POLG: variants seen among roughly 807,000 people sequenced by gnomAD.
POLG encodes DNA polymerase subunit gamma-1.
POLG carries 110 observed loss-of-function variants against 155.4 expected under a neutral mutation model. The ratio of observed to expected loss-of-function variants is 0.71; its 90% CI spans 0.61 to 0.83. POLG has a LOEUF of 0.83. Ranked by LOEUF, POLG falls within the 40% of genes least tolerant of loss-of-function variation. The pLI, the probability that POLG is intolerant of heterozygous loss-of-function variation, is 0.00. For missense variants in POLG, 1,685 were observed against 1,627.5 expected, an observed-to-expected ratio of 1.04 and a Z score of -0.61; for synonymous variants, 701 against 631.5, an observed-to-expected ratio of 1.11 and a Z score of -1.65.
chr15:89,321,898 T>G (rs774496711), intron 15 of POLG, 45 bp from the exon 16 acceptor site: 1 of 1,605,898 alleles, frequency 6.2e-7, no homozygotes, highest in South Asian at 1.1e-5. Flanking sequence ...CAGGGTGCTT[T>G]GGCCTTAGGA....
At chr15:89,330,511 G>T (rs1192138125) in intron 2 of POLG, among the ~76,000 whole-genome samples, 1 of 152,154 alleles carries the variant, frequency 6.6e-6, no homozygotes, top group Non-Finnish European at 1.5e-5. Context: ...CATAAAAATG[G>T]AACTACTGGG....
chr15:89,325,741 G>T, intron 9 of POLG, 55 bp from the exon 10 acceptor site: 4 of 1,352,562 alleles, frequency 3.0e-6, no homozygotes, highest in African/African-American at 2.8e-5. Flanking sequence ...GTTGTTGGGG[G>T]GAAGGTTCTC....
intron 18 of POLG, among the ~76,000 whole-genome samples, chr15:89,319,848 C>T (rs1258922271): frequency 6.6e-6 from 1 of 152,176 alleles, no homozygotes; most frequent in Admixed American, 6.5e-5. Flanking sequence ...CTAGACAACT[C>T]CCAGCTTCCA....
In POLG at chr15:89,327,067, C is replaced by T. The variant is rs1262443010; in HGVS notation, c.1434-4G>A. On this transcript the variant is annotated splice_region_variant and splice_polypyrimidine_tract_variant and intron_variant, in intron 7 of 22. Coordinates refer to ENST00000268124, the MANE Select transcript of POLG (RefSeq NM_002693.3). ...GAGCCAGGGGTCTTCTTTGTACCTA[C>T]AGAGCCAGTCCACTAGGGCAGGGCT... 2.5e-6 allele frequency: 4 copies of T among 1,614,130 alleles called. No individual in the cohort carries two copies. Among genetic ancestry groups the T allele is most frequent in the Non-Finnish European group, 3.4e-6 (4 of 1,180,048 alleles).
chr15:89,333,536 T>C lies in POLG; in HGVS notation c.219A>G (p.Pro73=). Residue 73 remains proline, a synonymous_variant, in exon 2 of 23, where the codon CCA becomes CCG. Coordinates refer to ENST00000268124, the MANE Select transcript of POLG (RefSeq NM_002693.3). ...CTCTCGAGAGCATCTGGATGTCCAATGGGTTGTGCCGCAGCTGCCCGCCCT... is the reference window on the plus strand; with the variant it reads ...CTCTCGAGAGCATCTGGATGTCCAACGGGTTGTGCCGCAGCTGCCCGCCCT... ...SSEGGQLRHN[P]LDIQMLSRGL... is the part of the protein sequence containing the mutation. 1.2e-6 allele frequency: 2 copies of C among 1,612,788 alleles called. No individual in the cohort carries two copies. Among genetic ancestry groups the C allele is most frequent in the Non-Finnish European group, 1.7e-6 (2 of 1,179,684 alleles).
chr15:89,328,657 G>A (rs1247501626), intron 5 of POLG, 28 bp downstream of exon 5: 4 of 1,613,598 alleles, frequency 2.5e-6, no homozygotes, highest in Non-Finnish European at 3.4e-6. Flanking sequence ...CACAGCCCAT[G>A]TCCCCAGAGC....
chr15:89,329,301 G>A (rs748788083), intron 3 of POLG, among the ~76,000 whole-genome samples, 191 bp from the exon 4 acceptor site: 2 of 152,196 alleles, frequency 1.3e-5, no homozygotes, highest in Non-Finnish European at 2.9e-5. Context: ...TCACCTGTAA[G>A]GGGCCTGCCT....
Position 89,319,048 on chromosome 15 carries a change from G to GCCC in POLG, c.3153_3155dup (p.Gly1052dup), listed in dbSNP as rs1447799185. The GCCC allele has an allele frequency of 1.2e-6, 2 of 1,614,030 alleles. No homozygotes were observed. Among genetic ancestry groups the GCCC allele is most frequent in the South Asian group, 1.1e-5 (1 of 91,068 alleles). Reference sequence around the variant, plus strand: ...GCTTATTGAACATTTCTGACTCTGTGCCCCCCTTCCATGCCCGTTCAGCAA... The same window carrying GCCC: ...GCTTATTGAACATTTCTGACTCTGTGCCCCCCCCCTTCCATGCCCGTTCAGCAA... On this transcript the variant is annotated inframe_insertion, in exon 20 of 23. Transcript: ENST00000268124.
rs772333285 is a variant in POLG, at chr15:89,318,651, G to T, written c.3372C>A (p.Ala1124=). Residue 1124 remains alanine (A), a synonymous_variant, in exon 21 of 23, where the codon GCC becomes GCA. Coordinates refer to ENST00000268124, the MANE Select transcript of POLG (RefSeq NM_002693.3). ...VAMKWLFEEF[A]IDGRFCISIH... is the part of the protein sequence containing the mutation. ...TGCTGATGCAGAAGCGCCCATCTAT[G>T]GCAAACTCTTCAAACAGCCACTTCA... 2 of 1,614,198 alleles carry T rather than the reference G, an allele frequency of 1.2e-6. No individual in the cohort carries two copies. Among genetic ancestry groups the T allele is most frequent in the South Asian group, 2.2e-5 (2 of 91,088 alleles).
At chr15:89,327,092 TAAGG>T in intron 7 of POLG, 29 bp from the exon 8 acceptor site, 1 of 1,614,242 alleles carries the variant, frequency 6.2e-7, no homozygotes, top group Non-Finnish European at 8.5e-7. Context: ...AGGGCAGGGC[TAAGG>T]CTAAGCCGAA....
Position 89,325,680 on chromosome 15 carries a change from G to C in POLG, c.1719C>G (p.Tyr573Ter). 1 of 1,605,612 alleles carries C rather than the reference G, an allele frequency of 6.2e-7. No homozygotes were observed. Among genetic ancestry groups the C allele is most frequent in the Non-Finnish European group, 8.5e-7 (1 of 1,178,680 alleles). Residue 573 changes from tyrosine (Y) to a stop codon, truncating the protein, a stop_gained, in exon 10 of 23, where the codon TAC becomes TAG. Transcript: ENST00000268124. LOFTEE classifies it high-confidence loss of function. ...PQHLPGHPGW[Y>*]RKLCPRLDDP... ...CGTCTAGCCGGGGGCAGAGCTTCCGGTACCATCTACGTCCCAGCAGGAAGA... is the reference window on the plus strand; with the variant it reads ...CGTCTAGCCGGGGGCAGAGCTTCCGCTACCATCTACGTCCCAGCAGGAAGA...
intron 22 of POLG, 37 bp downstream of exon 22, chr15:89,317,339 T>A (rs773676697): frequency 6.2e-7 from 1 of 1,605,092 alleles, no homozygotes; most frequent in Non-Finnish European, 8.5e-7. Flanking sequence ...CCACCTCAGA[T>A]CCTATGTGTA....
At chr15:89,325,277 AG>A (rs2055496439) in intron 10 of POLG, among the ~76,000 whole-genome samples, 172 bp downstream of exon 10, 1 of 108,440 alleles carries the variant, frequency 9.2e-6, no homozygotes, top group African/African-American at 4.5e-5. Flanking sequence ...TGAGTGAGAG[AG>A]AGAGAAAGAG....
At chr15:89,322,958 G>C in intron 13 of POLG, 56 bp from the exon 14 acceptor site, 1 of 1,551,496 alleles carries the variant, frequency 6.4e-7, no homozygotes. Flanking sequence ...CCTGGGTGGG[G>C]AACCAACGTG....
At position 89,321,221 on chromosome 15, in the gene POLG, C is replaced by A. The variant is rs760842197; in HGVS notation, c.2638G>T (p.Ala880Ser). ...VGSELKAMVQ[A>S]PPGYTLVGAD... ...CCCACAAGGGTGTAGCCAGGTGGGGCCTGCACCATGGCTTTCAACTCACTG... is the reference window on the plus strand; with the variant it reads ...CCCACAAGGGTGTAGCCAGGTGGGGACTGCACCATGGCTTTCAACTCACTG... The change falls in exon 17 of 23, where the codon GCC becomes TCC. Residue 880 changes from alanine to serine, a missense_variant. This residue lies in a region of POLG where 1,210 missense variants were observed against 1,167.1 expected (regional missense o/e 1.04). Coordinates refer to ENST00000268124, the MANE Select transcript of POLG (RefSeq NM_002693.3). 36 of 1,613,948 alleles carry A rather than the reference C, an allele frequency of 2.2e-5. No homozygotes were observed. Among genetic ancestry groups the A allele is most frequent in the South Asian group, 2.2e-5 (2 of 91,084 alleles).
intron 18 of POLG, among the ~76,000 whole-genome samples, chr15:89,320,287 G>A (rs1278473888): frequency 6.6e-6 from 1 of 152,238 alleles, no homozygotes; most frequent in Non-Finnish European, 1.5e-5. Context: ...CACACAGTAT[G>A]CAGTACGATC....
Position 89,328,486 on chromosome 15 carries a change from A to C in POLG, c.1220T>G (p.Phe407Cys), listed in dbSNP as rs749715845. 1 of 1,613,862 alleles carries C rather than the reference A, an allele frequency of 6.2e-7. No individual in the cohort carries two copies. Among genetic ancestry groups the C allele is most frequent in the Admixed American group, 1.7e-5 (1 of 60,016 alleles). ...AQDVWATHEV[F>C]QQQLPLFLER... Reference sequence around the variant, plus strand: ...CAAGAAGAGCGGTAGCTGCTGCTGGAAAACCTCATGGGTGGCCCACACGTC... The same window carrying C: ...CAAGAAGAGCGGTAGCTGCTGCTGGCAAACCTCATGGGTGGCCCACACGTC... The change falls in exon 6 of 23, where the codon TTC becomes TGC. Residue 407 changes from phenylalanine to cysteine, a missense_variant. Around this residue, in one of 3 missense-constraint regions of POLG, gnomAD observed 1,210 missense variants for 1,167.1 expected, o/e 1.04. Coordinates refer to ENST00000268124, the MANE Select transcript of POLG (RefSeq NM_002693.3).
chr15:89,327,086 C>G, intron 7 of POLG, 23 bp from the exon 8 acceptor site: 3 of 1,614,240 alleles, frequency 1.9e-6, no homozygotes, highest in Non-Finnish European at 1.7e-6. Flanking sequence ...TCCACTAGGG[C>G]AGGGCTAAGG....
chr15:89,333,401 C>CA lies in POLG; in HGVS notation c.353dup (p.Pro119AlafsTer125). 1 of 1,600,034 alleles carries CA rather than the reference C, an allele frequency of 6.2e-7. No homozygotes were observed. ...GGCGCAGCTCCACGTCGGGCAAGGG[C>CA]ACGGCTGGCTGCCCCCAGAGCCCGT... is the stretch of plus-strand genomic sequence containing the variant. On this transcript the variant is annotated frameshift_variant, in exon 2 of 23. Coordinates refer to ENST00000268124, the MANE Select transcript of POLG (RefSeq NM_002693.3). LOFTEE classifies it high-confidence loss of function.
Sources: allele counts gnomAD v4.1 joint callset (sites outside exome capture counted in the v4.1 genomes callset), GRCh38; gene constraint gnomAD v4.1.1; regional missense constraint gnomAD v4.1.1; transcripts MANE v1.5; gene names NCBI Gene and HGNC (gene_info 2026-07-23, HGNC 2026-07-21).